Variants in LAMA2 observed in about 807,000 individuals in gnomAD.
LAMA2 encodes laminin subunit alpha-2.
Under a neutral mutation model 364.8 loss-of-function variants are expected in LAMA2, and 269 were observed. That is an observed-to-expected ratio of 0.74 (90% CI 0.67 to 0.82). LAMA2 has a LOEUF of 0.82. LAMA2 is among the 40% of genes least tolerant of loss of function. The pLI is 0.00. For missense variants in LAMA2, 3,807 were observed against 3,873.2 expected, an observed-to-expected ratio of 0.98 and a Z score of 0.45; for synonymous variants, 1,379 against 1,370.6, an observed-to-expected ratio of 1.01 and a Z score of -0.14.
At chr6:129,186,666 G>A (rs1025990756) in intron 10 of LAMA2, among the ~76,000 whole-genome samples, 3 of 150,868 alleles carry the variant, frequency 2.0e-5, no homozygotes, top group South Asian at 2.1e-4. Flanking sequence ...TTTTTTCTTC[G>A]GGGCATAGTG....
At chr6:128,941,367 A>C (rs369172101) in intron 1 of LAMA2, among the ~76,000 whole-genome samples, 1 of 152,178 alleles carries the variant, frequency 6.6e-6, no homozygotes, top group East Asian at 1.9e-4. Flanking sequence ...AAAATACATA[A>C]TCAAAGTTTG....
rs551192178 is a variant in LAMA2 at position 129,172,825 on chromosome 6, C to T, written c.1307-4881C>T. 3.1e-4 allele frequency among the ~76,000 whole-genome samples: 47 copies of T among 152,364 alleles called. 1 individual carries two copies. Among genetic ancestry groups the T allele is most frequent in the Non-Finnish European group, 6.0e-4 (41 of 68,042 alleles). On this transcript the variant is annotated intron_variant, in intron 9 of 64. Transcript: ENST00000421865. ...ACTGCTGTGCTAGCAATCAGCGAGA[C>T]TCCATGGGCGTAGGACCCTCCAAGC... is the stretch of plus-strand genomic sequence containing the variant.
chr6:129,315,764 G>A lies in LAMA2; in HGVS notation c.3738G>A (p.Leu1246=). The A allele has an allele frequency of 6.2e-7, 1 of 1,614,024 alleles. No individual in the cohort carries two copies. Among genetic ancestry groups the A allele is most frequent in the Non-Finnish European group, 8.5e-7 (1 of 1,179,954 alleles). ...CATTCTTCTTTTTATTTTGTCAGTT[G>A]ATGGCCTATGGGGGCAAACTCAAGT... ...KLPEQFEGKK[L]MAYGGKLKYA... is the part of the protein sequence containing the mutation. Residue 1246 remains leucine, a splice_region_variant and synonymous_variant, in exon 26 of 65, where the codon TTG becomes TTA. Transcript: ENST00000421865.
intron 21 of LAMA2, among the ~76,000 whole-genome samples, chr6:129,299,633 C>G (rs1243490018): frequency 1.3e-5 from 2 of 152,046 alleles, no homozygotes; most frequent in Non-Finnish European, 1.5e-5. Context: ...TATTTTTCTT[C>G]TTAATGAAGG....
intron 1 of LAMA2, among the ~76,000 whole-genome samples, chr6:128,964,774 G>C (rs916699868): frequency 3.3e-5 from 5 of 152,004 alleles, no homozygotes; most frequent in African/African-American, 1.2e-4. Flanking sequence ...TGAAATGTTT[G>C]CTCTTAGTCC....
rs150676989 is a variant in LAMA2, at chr6:129,483,093, A to G, written c.7749+1654A>G. Among the ~76,000 whole-genome samples the G allele has an allele frequency of 7.2e-4, 109 of 151,518 alleles. 2 individuals carry two copies. The highest frequency in any genetic ancestry group is 2.6e-3 in the African/African-American group (106 of 41,496). On this transcript the variant is annotated intron_variant, in intron 55 of 64. Coordinates refer to ENST00000421865, the MANE Select transcript of LAMA2 (RefSeq NM_000426.4). The stretch of plus-strand genomic sequence containing the variant: ...AAAAAAAAAAAAAAAGAAAAAGAAA[A>G]AAAAGAAAATCTAAAAATAATATAA...
At chr6:129,030,202 G>T (rs997171537) in intron 1 of LAMA2, among the ~76,000 whole-genome samples, 1 of 151,890 alleles carries the variant, frequency 6.6e-6, no homozygotes, top group African/African-American at 2.4e-5. Flanking sequence ...TCTCCTTATT[G>T]TCAACCCCTT....
At chr6:129,335,351 A>AGTAGGTAG (rs200399444) in intron 29 of LAMA2, among the ~76,000 whole-genome samples, 14 of 138,410 alleles carry the variant, frequency 1.0e-4, no homozygotes, top group African/African-American at 3.5e-4. Context: ...ATAGGTAGTA[A>AGTAGGTAG]GTAGGTAGAT....
intron 29 of LAMA2, among the ~76,000 whole-genome samples, chr6:129,332,138 C>A (rs1435429178): frequency 1.3e-5 from 2 of 152,172 alleles, no homozygotes; most frequent in African/African-American, 4.8e-5. Context: ...ATATTGACAT[C>A]CCACAGTATT....
chr6:128,975,072 T>C (rs1782442405), intron 1 of LAMA2, among the ~76,000 whole-genome samples: 1 of 152,244 alleles, frequency 6.6e-6, no homozygotes, highest in African/African-American at 2.4e-5. Flanking sequence ...CAGGATGGTC[T>C]TGATCTCCTG....
chr6:128,889,036 C>T (rs1020499597), intron 1 of LAMA2, among the ~76,000 whole-genome samples: 1 of 152,116 alleles, frequency 6.6e-6, no homozygotes, highest in Non-Finnish European at 1.5e-5. Context: ...TCTTTTCTTC[C>T]CTTTGGCAAC....
chr6:129,265,354 A>G (rs1787431110), intron 15 of LAMA2, among the ~76,000 whole-genome samples: 1 of 152,204 alleles, frequency 6.6e-6, no homozygotes, highest in South Asian at 2.1e-4. Context: ...AAGACGTGGT[A>G]TGAGTACTGC....
chr6:129,288,200 C>T (rs1789419088), intron 19 of LAMA2, 142 bp downstream of exon 19: 3 of 749,324 alleles, frequency 4.0e-6, no homozygotes, highest in South Asian at 2.9e-5. Flanking sequence ...ACAGAGTCTG[C>T]ATATTCCAGA....
At chr6:129,275,035 A>G (rs191997706) in intron 17 of LAMA2, among the ~76,000 whole-genome samples, 17 of 152,110 alleles carry the variant, frequency 1.1e-4, no homozygotes, top group Admixed American at 9.8e-4. Context: ...TGTAAATACT[A>G]CTGGTTTGTG....
intron 1 of LAMA2, among the ~76,000 whole-genome samples, chr6:128,912,519 T>C (rs1338845270): frequency 6.6e-6 from 1 of 152,204 alleles, no homozygotes; most frequent in East Asian, 1.9e-4. Context: ...TATTATTCAT[T>C]TGTTAGTTGT....
intron 3 of LAMA2, among the ~76,000 whole-genome samples, chr6:129,076,685 G>A (rs1195509172): frequency 2.0e-5 from 3 of 151,142 alleles, no homozygotes; most frequent in Non-Finnish European, 4.4e-5. Context: ...AAATTGTGTG[G>A]AAAAAAGATA....
intron 41 of LAMA2, among the ~76,000 whole-genome samples, chr6:129,432,841 T>C (rs957734034): frequency 6.6e-6 from 1 of 152,198 alleles, no homozygotes; most frequent in Non-Finnish European, 1.5e-5. Flanking sequence ...TCCTGAATCT[T>C]TGCAGAACCT....
At chr6:129,303,990 T>C (rs150281390) in intron 22 of LAMA2, among the ~76,000 whole-genome samples, 7 of 152,232 alleles carry the variant, frequency 4.6e-5, no homozygotes, top group Admixed American at 2.6e-4. Flanking sequence ...AAAACAGAAA[T>C]ACTTTAGAGG....
intron 31 of LAMA2, 29 bp from the exon 32 acceptor site, chr6:129,353,135 T>C (rs1776948597): frequency 2.5e-6 from 4 of 1,582,442 alleles, no homozygotes; most frequent in African/African-American, 1.3e-5. Context: ...GCTATTAACC[T>C]CTTTTGCTTT....
Sources: gnomAD v4.1 joint callset for allele counts (sites outside exome capture counted in the v4.1 genomes callset) on GRCh38, gnomAD v4.1.1 for gene constraint, MANE v1.5 for transcripts, NCBI Gene and HGNC (gene_info 2026-07-23, HGNC 2026-07-21) for gene names.